NPR3: variants seen among roughly 807,000 people sequenced by gnomAD.
The protein encoded by NPR3 is atrial natriuretic peptide receptor 3.
NPR3 carries 34 observed loss-of-function variants against 54.5 expected under a neutral mutation model. The ratio of observed to expected loss-of-function variants is 0.62; its 90% CI spans 0.47 to 0.83. NPR3 has a LOEUF of 0.83. NPR3 is among the 40% of genes least tolerant of loss of function. NPR3 has a pLI of 0.00. For missense variants in NPR3, 674 were observed against 720.8 expected (o/e 0.94, Z 0.74); for synonymous variants, 289 against 297.1 (o/e 0.97, Z 0.28).
At chr5:32,765,152 G>A (rs1024975876) in intron 3 of NPR3, among the ~76,000 whole-genome samples, 7 of 152,136 alleles carry the variant, frequency 4.6e-5, no homozygotes, top group Middle Eastern at 3.2e-3. Flanking sequence ...TAGTTATAGC[G>A]TGAGCATCCC....
rs181604571 is a variant in NPR3 at position 32,757,893 on chromosome 5, T to C, written c.1060-16815T>C. 3.0e-4 allele frequency among the ~76,000 whole-genome samples: 46 copies of C among 152,336 alleles called. No individual in the cohort carries two copies. The East Asian group carries it at 3.7e-3, about 12-fold the overall frequency. On this transcript the variant is annotated intron_variant, in intron 3 of 7. Transcript: ENST00000265074. Reference sequence around the variant, plus strand: ...TTTGTCTTTGGTTCTCTTTATATGATGGATTACGTTTATTGATTTGCGTAT... The same window carrying C: ...TTTGTCTTTGGTTCTCTTTATATGACGGATTACGTTTATTGATTTGCGTAT...
chr5:32,732,372 A>G (rs1157685080), intron 2 of NPR3, among the ~76,000 whole-genome samples: 1 of 151,430 alleles, frequency 6.6e-6, no homozygotes, highest in Non-Finnish European at 1.5e-5. Context: ...GTAAAAAGAG[A>G]CCCTCCTGGT....
At chr5:32,786,180 C>A (rs1228661413) in intron 7 of NPR3, 54 bp from the exon 8 acceptor site, 1 of 730,344 alleles carries the variant, frequency 1.4e-6, no homozygotes, top group South Asian at 1.7e-5. Flanking sequence ...GTAAGAGAAA[C>A]CATGGTATTT....
Position 32,782,990 on chromosome 5 carries a change from G to A in NPR3, c.1388G>A (p.Arg463Gln), listed in dbSNP as rs41270319. 4,525 of 1,605,918 alleles carry A rather than the reference G, an allele frequency of 2.8e-3. 7 individuals carry two copies. The highest frequency in any genetic ancestry group is 3.4e-3 in the Non-Finnish European group (4,046 of 1,175,536). ...GPLKLRIDENRIVEHTNSSPC... is the reference protein window; with the variant it reads ...GPLKLRIDENQIVEHTNSSPC... ...TTAAAACTGAGAATAGATGAAAACCGAATTGTAGAGCATACAAACAGCTCT... is the reference window on the plus strand; with the variant it reads ...TTAAAACTGAGAATAGATGAAAACCAAATTGTAGAGCATACAAACAGCTCT... The change falls in exon 6 of 8, where the codon CGA (arginine) becomes CAA (glutamine). Residue 463 changes from arginine to glutamine, a missense_variant. Transcript: ENST00000265074.
intron 3 of NPR3, among the ~76,000 whole-genome samples, chr5:32,743,495 AG>A (rs1740139703): frequency 6.6e-6 from 1 of 152,110 alleles, no homozygotes; most frequent in Non-Finnish European, 1.5e-5. Context: ...TGTGATACTC[AG>A]TTTTTCTTTA....
At chr5:32,756,802 A>T (rs1163097743) in intron 3 of NPR3, among the ~76,000 whole-genome samples, 1 of 152,222 alleles carries the variant, frequency 6.6e-6, no homozygotes, top group African/African-American at 2.4e-5. Flanking sequence ...GAAGTGATCC[A>T]GTTTCAGCTT....
chr5:32,729,656 A>G (rs1739355433), intron 2 of NPR3, among the ~76,000 whole-genome samples: 1 of 152,242 alleles, frequency 6.6e-6, no homozygotes, highest in African/African-American at 2.4e-5. Context: ...AAACCTATAC[A>G]GCAAGTTACT....
intron 1 of NPR3, among the ~76,000 whole-genome samples, chr5:32,695,113 G>A (rs2111807470): frequency 6.6e-6 from 1 of 152,274 alleles, no homozygotes. Context: ...TCTGTTGATG[G>A]ACACTTGGGT....
chr5:32,711,820 T>C lies in NPR3; in HGVS notation c.44T>C (p.Leu15Pro). Reference sequence around the variant, plus strand: ...CTCACTTTCTCCCCGTGCGTACTACTCGGCTGGGCGTTGCTGGCCGGCGGC... The same window carrying C: ...CTCACTTTCTCCCCGTGCGTACTACCCGGCTGGGCGTTGCTGGCCGGCGGC... ...LVLTFSPCVL[L>P]GWALLAGGTG... is the part of the protein sequence containing the mutation. Residue 15 changes from leucine to proline, a missense_variant, in exon 1 of 8, where the codon CTC becomes CCC. Leu to Pro is a moderately conservative substitution (Grantham distance 98). Coordinates refer to ENST00000265074, the MANE Select transcript of NPR3 (RefSeq NM_001204375.2). 6.9e-7 allele frequency: 1 copy of C among 1,456,512 alleles called. No individual in the cohort carries two copies. Among genetic ancestry groups the C allele is most frequent in the Non-Finnish European group, 9.0e-7 (1 of 1,105,590 alleles). 90.2% of individuals were successfully genotyped at this position (1,456,512 alleles called of 1,614,324 possible). A position where few individuals can be genotyped will look rare whatever the true frequency, so the allele number is the denominator to read the frequency against.
At chr5:32,717,137 A>G (rs1356782912) in intron 1 of NPR3, among the ~76,000 whole-genome samples, 1 of 152,022 alleles carries the variant, frequency 6.6e-6, no homozygotes, top group African/African-American at 2.4e-5. Context: ...GTTTGCTGAG[A>G]ATGATGGTTT....
At chr5:32,726,319 G>C (rs1364897096) in intron 2 of NPR3, among the ~76,000 whole-genome samples, 1 of 152,144 alleles carries the variant, frequency 6.6e-6, no homozygotes, top group African/African-American at 2.4e-5. Context: ...TGGAGATAAA[G>C]AAAAGTTGAT....
chr5:32,752,074 G>T (rs889500707), intron 3 of NPR3, among the ~76,000 whole-genome samples: 2 of 151,958 alleles, frequency 1.3e-5, no homozygotes, highest in Admixed American at 1.3e-4. Flanking sequence ...TGTGGTGGTG[G>T]GTGCCTGTAA....
intron 2 of NPR3, among the ~76,000 whole-genome samples, chr5:32,729,017 T>G (rs1446324729): frequency 3.8e-5 from 4 of 104,972 alleles, no homozygotes; most frequent in Admixed American, 1.1e-4. Context: ...CCTGTGTGTT[T>G]TTTTTTTTTT....
intron 3 of NPR3, among the ~76,000 whole-genome samples, chr5:32,760,988 G>A (rs68105234): frequency 2.6e-5 from 4 of 151,848 alleles, no homozygotes; most frequent in Admixed American, 6.6e-5. Flanking sequence ...TTTTAAGTGC[G>A]GTTCTTAGAC....
At chr5:32,765,535 G>C (rs1361686678) in intron 3 of NPR3, among the ~76,000 whole-genome samples, 1 of 152,192 alleles carries the variant, frequency 6.6e-6, no homozygotes, top group East Asian at 1.9e-4. Context: ...TTCTGTATTT[G>C]ACGCAGGGCT....
chr5:32,698,075 T>A (rs1282241334), intron 1 of NPR3, among the ~76,000 whole-genome samples: 1 of 152,056 alleles, frequency 6.6e-6, no homozygotes, highest in African/African-American at 2.4e-5. Context: ...AGATACATCA[T>A]TAGGTTGTTT....
At chr5:32,735,968 C>T (rs369855178) in intron 2 of NPR3, among the ~76,000 whole-genome samples, 2 of 152,096 alleles carry the variant, frequency 1.3e-5, no homozygotes, top group Non-Finnish European at 2.9e-5. Flanking sequence ...CGGTGGCTCA[C>T]GCCTGTAATC....
rs1742420078 is a variant in NPR3 at position 32,782,997 on chromosome 5, A to G, written c.1395A>G (p.Val465=). The stretch of plus-strand genomic sequence containing the variant: ...TGAGAATAGATGAAAACCGAATTGT[A>G]GAGCATACAAACAGCTCTCCCTGCA... ...LKLRIDENRI[V]EHTNSSPCKS... is the part of the protein sequence containing the mutation. The change falls in exon 6 of 8, where the codon GTA becomes GTG. Residue 465 remains valine, a synonymous_variant. Coordinates refer to ENST00000265074, the MANE Select transcript of NPR3 (RefSeq NM_001204375.2). 2 of 1,605,196 alleles carry G rather than the reference A, an allele frequency of 1.2e-6. No individual in the cohort carries two copies. The highest frequency in any genetic ancestry group is 1.7e-5 in the Admixed American group (1 of 58,740).
rs2292026 is a variant in NPR3, at chr5:32,738,785, C to T, written c.893-79C>T. 0.13 allele frequency: 166,751 copies of T among 1,249,838 alleles called. 12,129 individuals are homozygous for T. Among genetic ancestry groups the T allele is most frequent in the East Asian group, 0.26 (11,084 of 43,026 alleles). 77.4% of individuals were successfully genotyped at this position (1,249,838 alleles called of 1,614,324 possible). The stretch of plus-strand genomic sequence containing the variant: ...GGTTGCCAAAAGTAACATGCGGGGG[C>T]GCCTCACAGTTGTGAAGGGAGAATG... On this transcript the variant is annotated intron_variant, in intron 2 of 7. Transcript: ENST00000265074.
Sources: allele counts gnomAD v4.1 joint callset (sites outside exome capture counted in the v4.1 genomes callset), GRCh38; gene constraint gnomAD v4.1.1; transcripts MANE v1.5; gene names NCBI Gene and HGNC (gene_info 2026-07-23, HGNC 2026-07-21).